Variants in ATXN7 observed in about 807,000 individuals in gnomAD.
The protein encoded by ATXN7 is ataxin-7.
Under a neutral mutation model 70.5 loss-of-function variants are expected in ATXN7, and 12 were observed. The ratio of observed to expected loss-of-function variants is 0.17; its 90% CI spans 0.11 to 0.28. The LOEUF is 0.28. ATXN7 is among the 10% of genes least tolerant of loss of function. The probability of loss-of-function intolerance (pLI) is 1.00; values close to 1 mark genes in which losing one functional copy is unlikely to be tolerated. For missense variants in ATXN7, 1,256 were observed against 1,131.7 expected, an observed-to-expected ratio of 1.11 and a Z score of -1.58; for synonymous variants, 498 against 448.7, an observed-to-expected ratio of 1.11 and a Z score of -1.39.
chr3:63,947,734 A>T (rs745666890), intron 4 of ATXN7, among the ~76,000 whole-genome samples: 1 of 152,144 alleles, frequency 6.6e-6, no homozygotes, highest in Non-Finnish European at 1.5e-5. Flanking sequence ...CTAACTGGGG[A>T]GGGGGAAGGA....
intron 4 of ATXN7, among the ~76,000 whole-genome samples, chr3:63,946,597 T>C (rs1042805805): frequency 1.3e-5 from 2 of 150,100 alleles, no homozygotes; most frequent in Non-Finnish European, 3.0e-5. Context: ...GAGGCGAGAT[T>C]GTGCCACTGC....
chr3:63,992,291 C>A (rs2075684929), intron 11 of ATXN7, among the ~76,000 whole-genome samples: 1 of 152,180 alleles, frequency 6.6e-6, no homozygotes, highest in South Asian at 2.1e-4. Context: ...TTTCATATTT[C>A]TTTCTGGTTC....
At chr3:63,981,519 G>A (rs1341309389) in intron 6 of ATXN7, among the ~76,000 whole-genome samples, 2 of 152,198 alleles carry the variant, frequency 1.3e-5, no homozygotes, top group African/African-American at 4.8e-5. Context: ...CAAGCAAAAT[G>A]ATAGTGTCAG....
intron 12 of ATXN7, chr3:63,997,635 T>G: frequency 6.4e-7 from 1 of 1,552,156 alleles, no homozygotes; most frequent in Non-Finnish European, 8.7e-7. Flanking sequence ...TCTCCTCACC[T>G]TGCTTACGAA....
chr3:63,912,364 C>A (rs1440295161), intron 2 of ATXN7, among the ~76,000 whole-genome samples: 1 of 151,394 alleles, frequency 6.6e-6, no homozygotes, highest in Non-Finnish European at 1.5e-5. Flanking sequence ...CTCCCTCGGG[C>A]GGCCGCGGGA....
At chr3:63,895,699 T>C (rs1223467619) in intron 1 of ATXN7, among the ~76,000 whole-genome samples, 1 of 151,070 alleles carries the variant, frequency 6.6e-6, no homozygotes, top group Non-Finnish European at 1.5e-5. Flanking sequence ...CTCTCTCTCT[T>C]TCTTTCTTTC....
At chr3:63,955,789 G>T (rs1232134842) in intron 5 of ATXN7, among the ~76,000 whole-genome samples, 1 of 152,166 alleles carries the variant, frequency 6.6e-6, no homozygotes, top group Non-Finnish European at 1.5e-5. Context: ...GTGAATTCAT[G>T]TATTGCTGAT....
chr3:63,927,866 G>T (rs1704779151), intron 4 of ATXN7, among the ~76,000 whole-genome samples: 1 of 152,076 alleles, frequency 6.6e-6, no homozygotes, highest in Admixed American at 6.5e-5. Context: ...CATGTCTGGT[G>T]AGCTTTTCAT....
chr3:63,891,301 C>T (rs1371836480), intron 1 of ATXN7, among the ~76,000 whole-genome samples: 2 of 147,558 alleles, frequency 1.4e-5, no homozygotes, highest in Non-Finnish European at 3.0e-5. Flanking sequence ...GAGCGACGAG[C>T]GACTGCACCT....
intron 4 of ATXN7, among the ~76,000 whole-genome samples, chr3:63,932,079 G>A (rs2074558264): frequency 6.6e-6 from 1 of 152,126 alleles, no homozygotes; most frequent in Non-Finnish European, 1.5e-5. Flanking sequence ...ATAGTGTTTA[G>A]CACCACCAAT....
At chr3:63,931,797 C>T (rs1338254767) in intron 4 of ATXN7, among the ~76,000 whole-genome samples, 2 of 152,050 alleles carry the variant, frequency 1.3e-5, no homozygotes, top group South Asian at 2.1e-4. Flanking sequence ...TCTCCCTTGT[C>T]ATTTAGGTGA....
chr3:63,905,181 T>G (rs140383904), intron 2 of ATXN7: 8 of 152,302 alleles, frequency 5.3e-5, no homozygotes, highest in African/African-American at 1.9e-4. Flanking sequence ...TTTACCCATT[T>G]GGCTCTGTTT....
Position 63,995,535 on chromosome 3 carries a change from A to C in ATXN7, c.1713A>C (p.Ser571=). ...TCCCACCAGTGCCCAGTACCACCTC[A>C]CCCATCTCCACACGTATTCCTCACC... ...KKIPPVPSTT[S]PISTRIPHRT... is the part of the protein sequence containing the mutation. Residue 571 remains serine (S), a synonymous_variant, in exon 12 of 13, where the codon TCA becomes TCC. Coordinates refer to ENST00000674280, the MANE Select transcript of ATXN7 (RefSeq NM_001377405.1). 1 of 1,614,066 alleles carries C rather than the reference A, an allele frequency of 6.2e-7. No homozygotes were observed. Among genetic ancestry groups the C allele is most frequent in the Non-Finnish European group, 8.5e-7 (1 of 1,180,020 alleles).
At chr3:63,893,607 C>G (rs112011197) in intron 1 of ATXN7, among the ~76,000 whole-genome samples, 81 of 152,148 alleles carry the variant, frequency 5.3e-4, no homozygotes, top group African/African-American at 1.9e-3. Flanking sequence ...AGGCGTTCTA[C>G]GAAGTGTTGA....
At chr3:63,928,639 T>C (rs891561167) in intron 4 of ATXN7, among the ~76,000 whole-genome samples, 1 of 152,156 alleles carries the variant, frequency 6.6e-6, no homozygotes, top group African/African-American at 2.4e-5. Flanking sequence ...AAGAGGAAAC[T>C]GAGGCTCAGG....
chr3:63,961,295 A>G (rs2075126657), intron 5 of ATXN7, among the ~76,000 whole-genome samples: 1 of 152,194 alleles, frequency 6.6e-6, no homozygotes, highest in African/African-American at 2.4e-5. Flanking sequence ...AATCTTTTTA[A>G]GGACTGCCTG....
At chr3:63,944,067 G>T (rs1025555696) in intron 4 of ATXN7, among the ~76,000 whole-genome samples, 3 of 152,176 alleles carry the variant, frequency 2.0e-5, no homozygotes, top group African/African-American at 7.2e-5. Flanking sequence ...CTTCAGGGAG[G>T]AGTGTGTGGC....
At chr3:63,880,674 C>T (rs548498247) in intron 1 of ATXN7, among the ~76,000 whole-genome samples, 1 of 152,312 alleles carries the variant, frequency 6.6e-6, no homozygotes, top group Admixed American at 6.5e-5. Flanking sequence ...CTCCCTCATA[C>T]CTTTTTGCCT....
intron 4 of ATXN7, among the ~76,000 whole-genome samples, chr3:63,929,122 CAT>C (rs941865261): frequency 1.3e-5 from 2 of 152,072 alleles, no homozygotes; most frequent in Non-Finnish European, 2.9e-5. Context: ...AGAAATTAAA[CAT>C]AAAAGGGAAA....
Sources: gnomAD v4.1 joint callset for allele counts (sites outside exome capture counted in the v4.1 genomes callset) on GRCh38, gnomAD v4.1.1 for gene constraint, MANE v1.5 for transcripts, NCBI Gene and HGNC (gene_info 2026-07-23, HGNC 2026-07-21) for gene names.